The following CYP2C8 variants were observed in gnomAD, a reference collection of about 807,000 sequenced individuals.
The protein encoded by CYP2C8 is cytochrome P450 2C8.
CYP2C8 carries 51 observed loss-of-function variants against 41.3 expected under a neutral mutation model. The ratio of observed to expected loss-of-function variants is 1.24; its 90% CI spans 0.99 to 1.56. CYP2C8 has a LOEUF of 1.56. Ranked by LOEUF, CYP2C8 falls within the 40% of genes most tolerant of loss-of-function variation. CYP2C8 has a pLI of 0.00. For missense variants in CYP2C8, 651 were observed against 579.9 expected (o/e 1.12, Z -1.26); for synonymous variants, 218 against 205.8 (o/e 1.06, Z -0.51).
chr10:95,045,291 C>T (rs1407537690), intron 6 of CYP2C8, among the ~76,000 whole-genome samples: 1 of 152,118 alleles, frequency 6.6e-6, no homozygotes, highest in African/African-American at 2.4e-5. Flanking sequence ...TAGGTATGGC[C>T]TCTGCTTAAA....
chr10:95,056,293 T>C (rs142611828), intron 5 of CYP2C8, among the ~76,000 whole-genome samples: 25 of 152,222 alleles, frequency 1.6e-4, no homozygotes, highest in South Asian at 1.0e-3. Flanking sequence ...CCTCAAACAT[T>C]GCTGATGGGA....
At chr10:95,053,841 G>T (rs2033259824) in intron 5 of CYP2C8, among the ~76,000 whole-genome samples, 2 of 152,078 alleles carry the variant, frequency 1.3e-5, no homozygotes, top group African/African-American at 4.8e-5. Flanking sequence ...TAGATGACAG[G>T]TTGATGGGTG....
Position 95,037,311 on chromosome 10 carries a change from T to G in CYP2C8, c.1292-2A>C, listed in dbSNP as rs769405632. On this transcript the variant is annotated splice_acceptor_variant, in intron 8 of 8. Coordinates refer to ENST00000371270, the MANE Select transcript of CYP2C8 (RefSeq NM_000770.3). LOFTEE classifies it high-confidence loss of function. ...CTTCTCCTGCACAAATTCGTTTTCC[T>G]GAAGATAACAAAGAAAGGAAGTAGT... 6 of 1,612,914 alleles carry G rather than the reference T, an allele frequency of 3.7e-6. No homozygotes were observed. Among genetic ancestry groups the G allele is most frequent in the Non-Finnish European group, 5.1e-6 (6 of 1,179,582 alleles).
chr10:95,046,384 G>T (rs1049421299), intron 5 of CYP2C8, among the ~76,000 whole-genome samples: 7 of 152,114 alleles, frequency 4.6e-5, no homozygotes, highest in African/African-American at 1.7e-4. Context: ...CTATTTCATT[G>T]CATGGCAAAA....
chr10:95,058,808 A>T (rs2033363576), intron 4 of CYP2C8, among the ~76,000 whole-genome samples: 1 of 151,582 alleles, frequency 6.6e-6, no homozygotes, highest in South Asian at 2.1e-4. Flanking sequence ...CCCACCACAC[A>T]ACAGACCCCA....
At chr10:95,063,854 AAC>A (rs779688600) in intron 4 of CYP2C8, among the ~76,000 whole-genome samples, 2 of 152,188 alleles carry the variant, frequency 1.3e-5, no homozygotes, top group Non-Finnish European at 2.9e-5. Context: ...ATTTCCTTCT[AAC>A]AGTCAGGATC....
intron 1 of CYP2C8, 24 bp downstream of exon 1, chr10:95,069,211 T>C: frequency 6.2e-7 from 1 of 1,613,846 alleles, no homozygotes; most frequent in Non-Finnish European, 8.5e-7. Context: ...TGCAATTGGC[T>C]GGAGGAACAT....
intron 1 of CYP2C8, chr10:95,068,767 A>G (rs2033621529): frequency 3.7e-6 from 2 of 536,306 alleles, no homozygotes; most frequent in Non-Finnish European, 6.4e-6. Context: ...ACAGACTTAG[A>G]AAGACAAAAG....
intron 5 of CYP2C8, among the ~76,000 whole-genome samples, chr10:95,055,464 T>C (rs753053007): frequency 1.2e-4 from 18 of 152,170 alleles, no homozygotes; most frequent in East Asian, 7.7e-4. Flanking sequence ...CTCACTCTTA[T>C]GCAAAATATA....
intron 2 of CYP2C8, 26 bp from the exon 3 acceptor site, chr10:95,067,383 G>A: frequency 6.2e-7 from 1 of 1,614,122 alleles, no homozygotes; most frequent in South Asian, 1.1e-5. Flanking sequence ...GCAGAAACTG[G>A]GAGAATTCAC....
chr10:95,051,259 GAAGA>G (rs2033210598), intron 5 of CYP2C8, among the ~76,000 whole-genome samples: 1 of 152,074 alleles, frequency 6.6e-6, no homozygotes, highest in Non-Finnish European at 1.5e-5. Flanking sequence ...TGATTCAGCA[GAAGA>G]AAGAATTAGT....
intron 6 of CYP2C8, among the ~76,000 whole-genome samples, chr10:95,043,803 A>C (rs886108759): frequency 1.1e-4 from 17 of 151,964 alleles, no homozygotes; most frequent in African/African-American, 4.1e-4. Context: ...ATATATTTAG[A>C]CCACAATTTC....
intron 7 of CYP2C8, among the ~76,000 whole-genome samples, chr10:95,040,232 G>A (rs559299814): frequency 1.2e-4 from 19 of 152,304 alleles, no homozygotes; most frequent in African/African-American, 4.3e-4. Flanking sequence ...ACATACTGCA[G>A]TATTGAGGTG....
At chr10:95,051,418 A>G (rs751279124) in intron 5 of CYP2C8, among the ~76,000 whole-genome samples, 1 of 152,126 alleles carries the variant, frequency 6.6e-6, no homozygotes, top group African/African-American at 2.4e-5. Flanking sequence ...GGAGGTAGAG[A>G]AAGAGAAGGG....
intron 5 of CYP2C8, 144 bp from the exon 6 acceptor site, chr10:95,046,095 T>G: frequency 4.8e-6 from 4 of 833,516 alleles, no homozygotes; most frequent in Non-Finnish European, 7.4e-6. Flanking sequence ...CTGTGTGGTA[T>G]GGCAGAAACT....
At chr10:95,048,636 T>C (rs979664400) in intron 5 of CYP2C8, among the ~76,000 whole-genome samples, 1 of 149,970 alleles carries the variant, frequency 6.7e-6, no homozygotes, top group African/African-American at 2.5e-5. Flanking sequence ...TCCCAAATGC[T>C]ATGTTATTTT....
In CYP2C8 at chr10:95,069,253, G is replaced by C; in HGVS notation, c.150C>G (p.Ile50Met). 1.2e-6 allele frequency: 2 copies of C among 1,614,122 alleles called. No homozygotes were observed. Among genetic ancestry groups the C allele is most frequent in the Non-Finnish European group, 1.7e-6 (2 of 1,180,010 alleles). The change falls in exon 1 of 9, where the codon ATC becomes ATG. Residue 50 changes from isoleucine to methionine, a missense_variant. Coordinates refer to ENST00000371270, the MANE Select transcript of CYP2C8 (RefSeq NM_000770.3). ...GNMLQIDVKD[I>M]CKSFTNFSKV... The stretch of plus-strand genomic sequence containing the variant: ...GACTTACATTGGTGAAAGATTTGCA[G>C]ATGTCCTTAACATCTATCTGTAGCA...
At chr10:95,038,497 G>A (rs1436766697) in intron 8 of CYP2C8, among the ~76,000 whole-genome samples, 3 of 152,174 alleles carry the variant, frequency 2.0e-5, no homozygotes, top group Admixed American at 1.3e-4. Flanking sequence ...TGCCCTTGGA[G>A]CTCAGCCTGG....
chr10:95,051,412 G>A (rs2033212923), intron 5 of CYP2C8, among the ~76,000 whole-genome samples: 2 of 152,208 alleles, frequency 1.3e-5, no homozygotes, highest in East Asian at 1.9e-4. Flanking sequence ...TAAAGAGGAG[G>A]TAGAGAAAGA....
Sources: allele counts gnomAD v4.1 joint callset (sites outside exome capture counted in the v4.1 genomes callset), GRCh38; gene constraint gnomAD v4.1.1; transcripts MANE v1.5; gene names NCBI Gene and HGNC (gene_info 2026-07-23, HGNC 2026-07-21).